The following THRB variants were observed in gnomAD, a reference collection of about 807,000 sequenced individuals.
The protein encoded by THRB is thyroid hormone receptor beta, also known as nuclear receptor subfamily 1 group A member 2.
A neutral mutation model predicts 47.8 loss-of-function variants in THRB; 12 were observed. The ratio of observed to expected loss-of-function variants is 0.25; its 90% CI spans 0.16 to 0.41. The LOEUF (loss-of-function observed/expected upper bound fraction) is 0.41. Among genes scored for constraint, THRB ranks in the 10% least tolerant of loss-of-function variants. The pLI is 1.00. For missense variants in THRB, 348 were observed against 589.2 expected (o/e 0.59, Z 4.24); for synonymous variants, 218 against 212.2 (o/e 1.03, Z -0.24).
intron 3 of THRB, among the ~76,000 whole-genome samples, chr3:24,259,794 A>C (rs1474637779): frequency 6.6e-6 from 1 of 152,118 alleles, no homozygotes; most frequent in East Asian, 1.9e-4. Flanking sequence ...TATAGATTTA[A>C]GTGATTTGGT....
chr3:24,342,141 C>A (rs1286664279), intron 1 of THRB, among the ~76,000 whole-genome samples: 1 of 100,308 alleles, frequency 1.0e-5, no homozygotes, highest in Non-Finnish European at 2.0e-5. Flanking sequence ...GAGGGCTTAT[C>A]CCTGTTGCGC....
At chr3:24,344,914 T>C (rs577369498) in intron 1 of THRB, among the ~76,000 whole-genome samples, 4 of 152,078 alleles carry the variant, frequency 2.6e-5, no homozygotes, top group Non-Finnish European at 5.9e-5. Context: ...ATGACTAAAG[T>C]ACTCTGACTT....
At chr3:24,363,765 A>T (rs2064244278) in intron 1 of THRB, among the ~76,000 whole-genome samples, 1 of 152,164 alleles carries the variant, frequency 6.6e-6, no homozygotes, top group South Asian at 2.1e-4. Context: ...AAGCTCATTA[A>T]TTTCAAGTAA....
chr3:24,495,439 CA>C (rs1698884948), upstream of THRB: 1 of 153,216 alleles, frequency 6.5e-6, no homozygotes, highest in East Asian at 1.9e-4. Flanking sequence ...GAGTCCTACG[CA>C]CTCGAGGTCC....
At chr3:24,123,498 A>G (rs2032099754) in intron 10 of THRB, among the ~76,000 whole-genome samples, 1 of 152,156 alleles carries the variant, frequency 6.6e-6, no homozygotes, top group Non-Finnish European at 1.5e-5. Flanking sequence ...TGCCTGGCAG[A>G]GAGGAGAGGA....
chr3:24,377,857 G>C (rs538220161), intron 1 of THRB, among the ~76,000 whole-genome samples: 1 of 152,178 alleles, frequency 6.6e-6, no homozygotes, highest in East Asian at 1.9e-4. Flanking sequence ...TATGAAATAA[G>C]GGACTTTCCA....
At chr3:24,482,356 G>A (rs1696568419) in intron 1 of THRB, among the ~76,000 whole-genome samples, 2 of 152,168 alleles carry the variant, frequency 1.3e-5, no homozygotes. Flanking sequence ...CAGATAGAGT[G>A]ATTGAAGTTC....
intron 1 of THRB, among the ~76,000 whole-genome samples, chr3:24,374,637 C>G (rs1037939823): frequency 1.3e-5 from 2 of 151,990 alleles, no homozygotes; most frequent in African/African-American, 4.8e-5. Flanking sequence ...GGTTGGAAAA[C>G]TAATATCTAT....
chr3:24,361,711 G>A (rs2064080818), intron 1 of THRB, among the ~76,000 whole-genome samples: 1 of 152,160 alleles, frequency 6.6e-6, no homozygotes, highest in Middle Eastern at 3.2e-3. Flanking sequence ...GGCTCCTTAT[G>A]TATGGATTTG....
chr3:24,172,794 C>T (rs955269460), intron 5 of THRB, among the ~76,000 whole-genome samples: 1 of 152,168 alleles, frequency 6.6e-6, no homozygotes, highest in Admixed American at 6.5e-5. Context: ...CTCATCAAGG[C>T]AGTCCTGGTG....
At chr3:24,271,069 C>T (rs748413778) in intron 3 of THRB, among the ~76,000 whole-genome samples, 32 of 152,230 alleles carry the variant, frequency 2.1e-4, no homozygotes, top group Non-Finnish European at 4.3e-4. Flanking sequence ...GATAACTTGT[C>T]ACTATTTTCT....
intron 3 of THRB, among the ~76,000 whole-genome samples, chr3:24,255,647 G>A (rs1559748376): frequency 6.6e-6 from 1 of 152,184 alleles, no homozygotes; most frequent in Non-Finnish European, 1.5e-5. Context: ...GCAATCCCAT[G>A]TGTGGGTTTC....
intron 3 of THRB, among the ~76,000 whole-genome samples, chr3:24,260,092 T>C (rs890668683): frequency 6.6e-6 from 1 of 152,254 alleles, no homozygotes; most frequent in Non-Finnish European, 1.5e-5. Flanking sequence ...ATCTACTTTC[T>C]GTTTCTATAG....
chr3:24,278,600 ACC>A (rs1341801498), intron 3 of THRB, among the ~76,000 whole-genome samples: 3 of 152,160 alleles, frequency 2.0e-5, no homozygotes, highest in Non-Finnish European at 4.4e-5. Context: ...CCATATCACA[ACC>A]CTCTATTTAA....
At chr3:24,209,444 A>G (rs895832021) in intron 4 of THRB, among the ~76,000 whole-genome samples, 3 of 152,222 alleles carry the variant, frequency 2.0e-5, no homozygotes, top group Admixed American at 2.0e-4. Flanking sequence ...CATCAATGAT[A>G]GACTGGATTA....
Position 24,122,624 on chromosome 3 carries a change from T to C in THRB, c.*260A>G. On this transcript the variant is annotated 3_prime_UTR_variant, in exon 11 of 11. Transcript: ENST00000646209. Reference sequence around the variant, plus strand: ...CTGGTGATGCTTGGTGCTGGTGAGTTAATGATTGTCCCCCACCCCACCTCC... The same window carrying C: ...CTGGTGATGCTTGGTGCTGGTGAGTCAATGATTGTCCCCCACCCCACCTCC... 1.9e-6 allele frequency: 1 copy of C among 513,540 alleles called. No homozygotes were observed. The highest frequency in any genetic ancestry group is 3.6e-5 in the East Asian group (1 of 27,824). 31.8% of individuals were successfully genotyped at this position (513,540 alleles called of 1,614,324 possible).
At chr3:24,124,027 C>T (rs1389279451) in intron 10 of THRB, among the ~76,000 whole-genome samples, 1 of 152,220 alleles carries the variant, frequency 6.6e-6, no homozygotes, top group Non-Finnish European at 1.5e-5. Flanking sequence ...ATGAATTCCT[C>T]AAATAGCTCC....
chr3:24,466,263 T>C (rs529485966), intron 1 of THRB, among the ~76,000 whole-genome samples: 2 of 152,312 alleles, frequency 1.3e-5, no homozygotes, highest in Non-Finnish European at 2.9e-5. Context: ...TTGTTTTTTT[T>C]CCTCTTATTT....
chr3:24,486,308 T>A (rs1697284978), intron 1 of THRB: 1 of 152,182 alleles, frequency 6.6e-6, no homozygotes, highest in Non-Finnish European at 1.5e-5. Context: ...CTACACTAAA[T>A]CACCTCCTGT....
Sources: gnomAD v4.1 joint callset for allele counts (sites outside exome capture counted in the v4.1 genomes callset) on GRCh38, gnomAD v4.1.1 for gene constraint, MANE v1.5 for transcripts, NCBI Gene and HGNC (gene_info 2026-07-23, HGNC 2026-07-21) for gene names.